FAM89A: variants seen among roughly 807,000 people sequenced by gnomAD.
FAM89A encodes the protein family with sequence similarity 89 member A.
A neutral mutation model predicts 7.1 loss-of-function variants in FAM89A; 10 were observed. That is an observed-to-expected ratio of 1.40 (90% confidence interval 0.86 to 2.38). FAM89A has a LOEUF of 2.38. Among genes scored for constraint, FAM89A ranks in the 30% most tolerant of loss-of-function variants. The probability of loss-of-function intolerance (pLI) is 0.00; values close to 1 mark genes in which losing one functional copy is unlikely to be tolerated. For missense variants in FAM89A, 276 were observed against 262.8 expected (o/e 1.05, Z -0.35); for synonymous variants, 157 against 129.3 (o/e 1.21, Z -1.45).
intron 1 of FAM89A, among the ~76,000 whole-genome samples, chr1:231,033,487 C>G (rs1379935013): frequency 6.6e-6 from 1 of 152,188 alleles, no homozygotes; most frequent in African/African-American, 2.4e-5. Flanking sequence ...CCTAAACATC[C>G]TTGCCCACCT....
At chr1:231,024,585 G>A (rs189605359) in intron 1 of FAM89A, among the ~76,000 whole-genome samples, 75 of 150,424 alleles carry the variant, frequency 5.0e-4, no homozygotes, top group African/African-American at 1.4e-3. Flanking sequence ...CACCCAGGCA[G>A]GAGTGTGGTG....
At chr1:231,022,923 G>A (rs1291223769) in intron 1 of FAM89A, among the ~76,000 whole-genome samples, 2 of 107,088 alleles carry the variant, frequency 1.9e-5, no homozygotes, top group African/African-American at 5.7e-5. Flanking sequence ...TTGTTCTCAG[G>A]AACCTTACCC....
chr1:231,026,465 G>A (rs1293073292), intron 1 of FAM89A: 1 of 152,192 alleles, frequency 6.6e-6, no homozygotes, highest in Non-Finnish European at 1.5e-5. Flanking sequence ...TTTATACAAA[G>A]TCAAAGCCTC....
At chr1:231,032,958 G>C (rs1050730602) in intron 1 of FAM89A, among the ~76,000 whole-genome samples, 8 of 152,258 alleles carry the variant, frequency 5.3e-5, no homozygotes, top group African/African-American at 1.7e-4. Context: ...GCTCATGGCT[G>C]TCGGGGCCAA....
At position 231,019,774 on chromosome 1, in the gene FAM89A, G is replaced by A; in HGVS notation, c.*89C>T. The stretch of plus-strand genomic sequence containing the variant: ...CTGTGCCCGAGGACCGTCCACAACG[G>A]AGGTGCTTTCTTGCAAGAGAAGCAG... On this transcript the variant is annotated 3_prime_UTR_variant, in exon 2 of 2. Transcript: ENST00000366654. The A allele has an allele frequency of 6.9e-7, 1 of 1,459,138 alleles. No homozygotes were observed. The highest frequency in any genetic ancestry group is 9.3e-7 in the Non-Finnish European group (1 of 1,070,834). The allele number at this position is 1,459,138 out of a possible 1,614,324, so 90.4% of individuals were successfully genotyped here.
chr1:231,020,052 C>T lies in FAM89A; in HGVS notation c.366G>A (p.Lys122=), dbSNP rs1329242957. 2.5e-6 allele frequency: 4 copies of T among 1,614,040 alleles called. No homozygotes were observed. Among genetic ancestry groups the T allele is most frequent in the South Asian group, 1.1e-5 (1 of 91,070 alleles). ...GGCTGGAGGCTGCCTGGCATGCCCCCTTGTACTCCTGAATCGACTCGTAGA... is the reference window on the plus strand; with the variant it reads ...GGCTGGAGGCTGCCTGGCATGCCCCTTTGTACTCCTGAATCGACTCGTAGA... The part of the protein sequence containing the change: ...YSLYESIQEY[K]GACQAASSPD... Residue 122 remains lysine, a synonymous_variant, in exon 2 of 2, where the codon AAG becomes AAA. Coordinates refer to ENST00000366654, the MANE Select transcript of FAM89A (RefSeq NM_198552.3).
At chr1:231,027,757 G>A (rs988703941) in intron 1 of FAM89A, among the ~76,000 whole-genome samples, 6 of 152,114 alleles carry the variant, frequency 3.9e-5, no homozygotes, top group Non-Finnish European at 8.8e-5. Context: ...GCACAGCCCC[G>A]ACTGTCCCCC....
At chr1:231,031,761 A>C (rs1041720633) in intron 1 of FAM89A, among the ~76,000 whole-genome samples, 1 of 152,236 alleles carries the variant, frequency 6.6e-6, no homozygotes, top group Non-Finnish European at 1.5e-5. Flanking sequence ...ACTGTTTTGT[A>C]ACTTTACACT....
At chr1:231,039,213 T>C (rs1680208873) in intron 1 of FAM89A, among the ~76,000 whole-genome samples, 1 of 152,196 alleles carries the variant, frequency 6.6e-6, no homozygotes, top group Non-Finnish European at 1.5e-5. Flanking sequence ...ACTGAGCCCA[T>C]GGTATGGAGC....
At chr1:231,039,745 C>T (rs1558258449) in intron 1 of FAM89A, among the ~76,000 whole-genome samples, 176 bp downstream of exon 1, 1 of 152,150 alleles carries the variant, frequency 6.6e-6, no homozygotes, top group Admixed American at 6.5e-5. Context: ...CAATCGTGGG[C>T]ACGGAGCACG....
intron 1 of FAM89A, chr1:231,026,204 C>A (rs975123205): frequency 6.5e-6 from 1 of 154,510 alleles, no homozygotes; most frequent in Non-Finnish European, 1.5e-5. Flanking sequence ...AAAACAGAAG[C>A]GCCCCATCCC....
Position 231,020,556 on chromosome 1 carries a change from C to T in FAM89A, c.292-430G>A, listed in dbSNP as rs145153302. ...TGCGTTAGGATCTGACTGATGCAGT[C>T]ATTCTCAACTCCCAGGGGCAACAGA... On this transcript the variant is annotated intron_variant, in intron 1 of 1. Transcript: ENST00000366654. 5.3e-5 allele frequency among the ~76,000 whole-genome samples: 8 copies of T among 152,346 alleles called. No homozygotes were observed. In the East Asian group the frequency reaches 1.5e-3, roughly 29 times the overall value.
chr1:231,022,143 A>G, intron 1 of FAM89A: 1 of 1,174,120 alleles, frequency 8.5e-7, no homozygotes, highest in Non-Finnish European at 1.3e-6. Flanking sequence ...ACTTGTAGGA[A>G]AAAGATCAAC....
chr1:231,027,752 G>GCCCCGA (rs1679998934), intron 1 of FAM89A, among the ~76,000 whole-genome samples: 1 of 152,180 alleles, frequency 6.6e-6, no homozygotes, highest in South Asian at 2.1e-4. Flanking sequence ...AACCTGCACA[G>GCCCCGA]CCCCGACTGT....
chr1:231,023,862 G>A (rs1476794407), intron 1 of FAM89A, among the ~76,000 whole-genome samples: 3 of 152,126 alleles, frequency 2.0e-5, no homozygotes, highest in African/African-American at 7.2e-5. Flanking sequence ...CCCAGACTTG[G>A]AGCAAGGCAA....
At chr1:231,023,153 G>C (rs575964147) in intron 1 of FAM89A, among the ~76,000 whole-genome samples, 1 of 152,246 alleles carries the variant, frequency 6.6e-6, no homozygotes, top group South Asian at 2.1e-4. Flanking sequence ...TTTTGCCCAG[G>C]TCACTGTTGC....
At chr1:231,032,183 C>A (rs936117611) in intron 1 of FAM89A, among the ~76,000 whole-genome samples, 1 of 152,190 alleles carries the variant, frequency 6.6e-6, no homozygotes, top group Non-Finnish European at 1.5e-5. Context: ...TTTTACATCC[C>A]TTTTGTGACC....
rs1679844231 is a variant in FAM89A at position 231,020,029 on chromosome 1, C to T, written c.389G>A (p.Ser130Asn). 1 of 1,613,996 alleles carries T rather than the reference C, an allele frequency of 6.2e-7. No homozygotes were observed. Among genetic ancestry groups the T allele is most frequent in the South Asian group, 1.1e-5 (1 of 91,088 alleles). ...EYKGACQAAS[S>N]PDCTYALENG... ...CTCCAGAGCGTAAGTGCAGTCTGGG[C>T]TGGAGGCTGCCTGGCATGCCCCCTT... Residue 130 changes from serine to asparagine, a missense_variant, in exon 2 of 2, where the codon AGC becomes AAC. Ser to Asn is a conservative substitution (Grantham distance 46). Transcript: ENST00000366654.
chr1:231,037,787 T>A (rs1442056078), intron 1 of FAM89A, among the ~76,000 whole-genome samples: 1 of 152,136 alleles, frequency 6.6e-6, no homozygotes, highest in Non-Finnish European at 1.5e-5. Flanking sequence ...CGAAATTCTG[T>A]CGCCTTCTGA....
Sources: gnomAD v4.1 joint callset for allele counts (sites outside exome capture counted in the v4.1 genomes callset) on GRCh38, gnomAD v4.1.1 for gene constraint, MANE v1.5 for transcripts, NCBI Gene and HGNC (gene_info 2026-07-23, HGNC 2026-07-21) for gene names.